L3MBTL4: variants seen among roughly 807,000 people sequenced by gnomAD.
The protein encoded by L3MBTL4 is lethal(3)malignant brain tumor-like protein 4.
A neutral mutation model predicts 84.5 loss-of-function variants in L3MBTL4; 70 were observed. The observed-to-expected ratio is 0.83, with a 90% CI of 0.68 to 1.01. The LOEUF (loss-of-function observed/expected upper bound fraction) is 1.01. Among genes scored for constraint, L3MBTL4 ranks in the 50% least tolerant of loss-of-function variants. The pLI is 0.00. For synonymous variants in L3MBTL4, 274 were observed against 259.8 expected (o/e 1.05, Z -0.52); for missense variants, 715 against 754.8 (o/e 0.95, Z 0.62).
chr18:6,392,950 C>CA (rs772412972), intron 1 of L3MBTL4, among the ~76,000 whole-genome samples: 29 of 151,100 alleles, frequency 1.9e-4, no homozygotes, highest in Admixed American at 1.1e-3. Flanking sequence ...AAATGAGAGA[C>CA]AAAAAAAACT....
At chr18:6,238,228 C>T (rs2047297759) in intron 9 of L3MBTL4, among the ~76,000 whole-genome samples, 188 bp from the exon 10 acceptor site, 1 of 152,198 alleles carries the variant, frequency 6.6e-6, no homozygotes, top group Non-Finnish European at 1.5e-5. Flanking sequence ...ACATAAGCTT[C>T]TTGAAATTTA....
chr18:6,266,508 G>A lies in L3MBTL4; in HGVS notation c.128-2470C>T, dbSNP rs183925318. On this transcript the variant is annotated intron_variant, in intron 4 of 18. Coordinates refer to ENST00000317931, the MANE Select transcript of L3MBTL4 (RefSeq NM_001330559.2). ...GCTGCATCAGCACCAGAGATGACAG[G>A]AGGTAAGATGCACCTCTCACTAGAA... 2.7e-3 allele frequency among the ~76,000 whole-genome samples: 414 copies of A among 152,306 alleles called. 7 individuals carry two copies. The highest frequency in any genetic ancestry group is 2.5e-3 in the Non-Finnish European group (169 of 68,024).
intron 1 of L3MBTL4, among the ~76,000 whole-genome samples, chr18:6,346,472 A>C (rs2052911967): frequency 6.6e-6 from 1 of 152,084 alleles, no homozygotes; most frequent in Non-Finnish European, 1.5e-5. Context: ...CAAAATATAT[A>C]AGCAACTCAT....
intron 13 of L3MBTL4, among the ~76,000 whole-genome samples, chr18:6,150,162 G>A (rs1188562607): frequency 1.3e-5 from 2 of 152,100 alleles, no homozygotes; most frequent in Non-Finnish European, 2.9e-5. Context: ...TGTCAAGCTG[G>A]TTAGTTGCTG....
intron 4 of L3MBTL4, among the ~76,000 whole-genome samples, chr18:6,299,177 T>A (rs1185023960): frequency 6.6e-6 from 1 of 152,184 alleles, no homozygotes; most frequent in Non-Finnish European, 1.5e-5. Flanking sequence ...TTTTTAGAAT[T>A]ACTATGAAGA....
chr18:5,956,569 A>G (rs975382497), intron 18 of L3MBTL4, among the ~76,000 whole-genome samples, 182 bp from the exon 19 acceptor site: 3 of 152,190 alleles, frequency 2.0e-5, no homozygotes, highest in Non-Finnish European at 2.9e-5. Flanking sequence ...CTCCACTCCA[A>G]TTCTTTCTTC....
chr18:6,407,397 GA>G (rs149274968), intron 1 of L3MBTL4, among the ~76,000 whole-genome samples: 4,772 of 151,740 alleles, frequency 0.031, 246 homozygotes, highest in African/African-American at 0.11. Flanking sequence ...AGAGAAAGGG[GA>G]AAAAAAATCA....
chr18:6,259,114 G>A, intron 5 of L3MBTL4: 1 of 152,174 alleles, frequency 6.6e-6, no homozygotes, highest in East Asian at 1.9e-4. Context: ...AGGAGGGAAT[G>A]ACGTGTTGAG....
At chr18:6,361,337 T>C (rs942998375) in intron 1 of L3MBTL4, among the ~76,000 whole-genome samples, 22 of 152,126 alleles carry the variant, frequency 1.4e-4, no homozygotes, top group African/African-American at 5.3e-4. Flanking sequence ...CTTGCCAACA[T>C]CTCTTTCTTA....
chr18:6,185,897 T>C (rs1337589259), intron 12 of L3MBTL4, among the ~76,000 whole-genome samples: 1 of 152,142 alleles, frequency 6.6e-6, no homozygotes, highest in Admixed American at 6.5e-5. Context: ...GGGGCCCGGA[T>C]CTGGGCTGAC....
chr18:6,266,951 A>G (rs1357988873), intron 4 of L3MBTL4, among the ~76,000 whole-genome samples: 7 of 150,042 alleles, frequency 4.7e-5, no homozygotes, highest in African/African-American at 1.5e-4. Context: ...AATAATAATA[A>G]TAGTAATAAT....
chr18:6,283,844 T>C (rs1333005074), intron 4 of L3MBTL4, among the ~76,000 whole-genome samples: 1 of 152,234 alleles, frequency 6.6e-6, no homozygotes, highest in African/African-American at 2.4e-5. Flanking sequence ...AGACAAGGTC[T>C]GTTTGATTCT....
chr18:6,233,024 T>C (rs994220118), intron 10 of L3MBTL4, among the ~76,000 whole-genome samples: 1 of 151,994 alleles, frequency 6.6e-6, no homozygotes, highest in African/African-American at 2.4e-5. Flanking sequence ...GATACGCAAA[T>C]CAATAAACGT....
intron 3 of L3MBTL4, 73 bp downstream of exon 3, chr18:6,311,481 A>G: frequency 7.9e-7 from 1 of 1,262,276 alleles, no homozygotes; most frequent in Non-Finnish European, 1.2e-6. Context: ...GGTTATGTGA[A>G]CTCTACTATT....
chr18:6,143,321 G>A (rs1274101278), intron 13 of L3MBTL4, among the ~76,000 whole-genome samples: 3 of 152,166 alleles, frequency 2.0e-5, no homozygotes, highest in Admixed American at 2.0e-4. Flanking sequence ...TATGGGAGAA[G>A]AGCCATTGCA....
intron 10 of L3MBTL4, among the ~76,000 whole-genome samples, chr18:6,236,483 C>T (rs890646784): frequency 1.3e-5 from 2 of 152,174 alleles, no homozygotes; most frequent in Non-Finnish European, 2.9e-5. Context: ...GACTTACACA[C>T]TGAGCCTATT....
chr18:6,357,025 A>G (rs999565460), intron 1 of L3MBTL4, among the ~76,000 whole-genome samples: 1 of 152,156 alleles, frequency 6.6e-6, no homozygotes, highest in African/African-American at 2.4e-5. Context: ...ACGTGATCAT[A>G]TATGCATATG....
chr18:6,152,693 A>G (rs577921330), intron 13 of L3MBTL4, among the ~76,000 whole-genome samples: 1 of 152,164 alleles, frequency 6.6e-6, no homozygotes, highest in Admixed American at 6.5e-5. Context: ...CTCCCATTCC[A>G]TAGGTTGTTT....
intron 1 of L3MBTL4, among the ~76,000 whole-genome samples, chr18:6,382,943 A>G (rs953071710): frequency 3.3e-4 from 50 of 152,262 alleles, no homozygotes; most frequent in African/African-American, 1.2e-3. Context: ...GCTCTGTCCC[A>G]GGGAGATGGG....
Sources: allele counts gnomAD v4.1 joint callset (sites outside exome capture counted in the v4.1 genomes callset), GRCh38; gene constraint gnomAD v4.1.1; transcripts MANE v1.5; gene names NCBI Gene and HGNC (gene_info 2026-07-23, HGNC 2026-07-21).